Variants in LINGO2 observed in about 807,000 individuals in gnomAD.
The protein encoded by LINGO2 is leucine-rich repeat and immunoglobulin-like domain-containing nogo receptor-interacting protein 2.
A neutral mutation model predicts 30.6 loss-of-function variants in LINGO2; 14 were observed. That is an observed-to-expected ratio of 0.46 (90% CI 0.30 to 0.72). The LOEUF is 0.72. LINGO2 is among the 30% of genes least tolerant of loss of function. LINGO2 has a pLI of 0.07. For missense variants in LINGO2, 729 were observed against 751.7 expected (o/e 0.97, Z 0.35); for synonymous variants, 317 against 288.5 (o/e 1.10, Z -1.00).
intron 1 of LINGO2, among the ~76,000 whole-genome samples, chr9:28,560,677 A>AT (rs914250882): frequency 2.0e-5 from 3 of 151,562 alleles, no homozygotes; most frequent in African/African-American, 7.3e-5. Context: ...TTATTTATAT[A>AT]TTTTTTTGAG....
chr9:28,035,238 T>C (rs1217736837), intron 4 of LINGO2, among the ~76,000 whole-genome samples: 1 of 152,236 alleles, frequency 6.6e-6, no homozygotes, highest in African/African-American at 2.4e-5. Context: ...TTCTGTTTAA[T>C]GATTTATGCT....
intron 4 of LINGO2, among the ~76,000 whole-genome samples, chr9:28,262,272 T>A (rs1822591337): frequency 1.5e-4 from 1 of 6,774 alleles, no homozygotes; most frequent in Non-Finnish European, 4.7e-4. Context: ...GAATATTACT[T>A]TTTTTTTTGT....
intron 4 of LINGO2, among the ~76,000 whole-genome samples, chr9:28,144,925 G>A (rs1253344745): frequency 6.6e-6 from 1 of 152,162 alleles, no homozygotes; most frequent in Non-Finnish European, 1.5e-5. Context: ...TTAGTCTAGT[G>A]GGGTGGATAT....
the LINGO2 span, among the ~76,000 whole-genome samples, chr9:29,032,085 T>C: frequency 1.3e-5 from 2 of 152,136 alleles, no homozygotes; most frequent in Non-Finnish European, 2.9e-5. Flanking sequence ...AAAGGGAAAC[T>C]TGTAGAGTAG....
chr9:28,076,666 A>G (rs1380245034), intron 4 of LINGO2, among the ~76,000 whole-genome samples: 1 of 150,554 alleles, frequency 6.6e-6, no homozygotes, highest in East Asian at 1.9e-4. Flanking sequence ...CTGATAAATT[A>G]AAAAAAAATT....
chr9:28,010,005 T>C (rs909258501), intron 5 of LINGO2, among the ~76,000 whole-genome samples: 5 of 152,328 alleles, frequency 3.3e-5, no homozygotes, highest in South Asian at 4.1e-4. Flanking sequence ...AAATAAAATG[T>C]GTTATCCGTA....
the LINGO2 span, among the ~76,000 whole-genome samples, chr9:29,011,242 A>C: frequency 6.6e-6 from 1 of 152,304 alleles, no homozygotes; most frequent in Non-Finnish European, 1.5e-5. Context: ...TGAAAACCAA[A>C]TAGTACCTTG....
chr9:28,603,290 T>C (rs1419949014), intron 1 of LINGO2, among the ~76,000 whole-genome samples: 1 of 152,080 alleles, frequency 6.6e-6, no homozygotes, highest in Non-Finnish European at 1.5e-5. Flanking sequence ...TGCTTGTAGA[T>C]ACTATGCAGA....
At chr9:28,674,424 T>C (rs1376635887), upstream of LINGO2, among the ~76,000 whole-genome samples, 1 of 152,144 alleles carries the variant, frequency 6.6e-6, no homozygotes, top group African/African-American at 2.4e-5. Context: ...AGGAAAAATA[T>C]CAACCTACAT....
intron 4 of LINGO2, among the ~76,000 whole-genome samples, chr9:28,182,759 C>A (rs933148492): frequency 6.6e-6 from 1 of 152,114 alleles, no homozygotes; most frequent in Non-Finnish European, 1.5e-5. Context: ...AAATGAGATA[C>A]CATTCTCAAG....
intron 5 of LINGO2, among the ~76,000 whole-genome samples, chr9:27,958,801 G>A (rs1460269692): frequency 6.6e-6 from 1 of 152,090 alleles, no homozygotes; most frequent in Non-Finnish European, 1.5e-5. Context: ...TTCTCACAAA[G>A]CCAGTTAGAA....
chr9:28,868,116 A>T, the LINGO2 span, among the ~76,000 whole-genome samples: 1 of 152,074 alleles, frequency 6.6e-6, no homozygotes, highest in Non-Finnish European at 1.5e-5. Context: ...GGCTTGGAAG[A>T]ATGTTGTTAA....
chr9:28,040,256 A>G (rs916748299), intron 4 of LINGO2, among the ~76,000 whole-genome samples: 9 of 152,136 alleles, frequency 5.9e-5, no homozygotes, highest in Non-Finnish European at 7.3e-5. Context: ...GCAAAGGCAA[A>G]TTACTAATAG....
At chr9:28,877,324 C>T in the LINGO2 span, among the ~76,000 whole-genome samples, 2 of 151,880 alleles carry the variant, frequency 1.3e-5, no homozygotes, top group African/African-American at 2.4e-5. Context: ...GAAGTCCTTG[C>T]CCATGCCTAT....
At chr9:28,084,247 T>C (rs1222561776) in intron 4 of LINGO2, among the ~76,000 whole-genome samples, 4 of 152,166 alleles carry the variant, frequency 2.6e-5, no homozygotes, top group Admixed American at 1.3e-4. Flanking sequence ...AAAATCATTC[T>C]AATTATGTTC....
chr9:28,483,898 T>G (rs1178847465), intron 1 of LINGO2, among the ~76,000 whole-genome samples: 2 of 152,028 alleles, frequency 1.3e-5, no homozygotes, highest in Non-Finnish European at 2.9e-5. Context: ...ATTTCCTTCA[T>G]GTAGATCAAT....
chr9:28,328,715 G>A (rs1825315820), intron 3 of LINGO2, among the ~76,000 whole-genome samples: 1 of 152,156 alleles, frequency 6.6e-6, no homozygotes, highest in Non-Finnish European at 1.5e-5. Flanking sequence ...CATTAAGGGA[G>A]TAATGCAATG....
At chr9:28,237,419 A>G (rs1161885475) in intron 4 of LINGO2, among the ~76,000 whole-genome samples, 1 of 152,110 alleles carries the variant, frequency 6.6e-6, no homozygotes, top group Non-Finnish European at 1.5e-5. Flanking sequence ...AAATAATAAA[A>G]TGGCAGGAGT....
At chr9:29,180,734 C>A in the LINGO2 span, among the ~76,000 whole-genome samples, 22 of 152,198 alleles carry the variant, frequency 1.4e-4, 1 homozygote, top group South Asian at 4.4e-3. Flanking sequence ...GAAAACATCT[C>A]GTTCATTTCT....
Sources: allele counts gnomAD v4.1 joint callset (sites outside exome capture counted in the v4.1 genomes callset), GRCh38; gene constraint gnomAD v4.1.1; transcripts MANE v1.5; gene names NCBI Gene and HGNC (gene_info 2026-07-23, HGNC 2026-07-21).